CA12: variants seen among roughly 807,000 people sequenced by gnomAD.
CA12 encodes carbonate dehydratase XII.
A neutral mutation model predicts 46.8 loss-of-function variants in CA12; 36 were observed. That is an observed-to-expected ratio of 0.77 (90% confidence interval 0.59 to 1.02). The LOEUF (loss-of-function observed/expected upper bound fraction) is 1.02. Among genes scored for constraint, CA12 ranks in the 50% least tolerant of loss-of-function variants. The pLI is 0.00. For missense variants in CA12, 436 were observed against 451.4 expected (o/e 0.97, Z 0.31); for synonymous variants, 202 against 187.0 (o/e 1.08, Z -0.65).
At chr15:63,326,438 A>T in intron 10 of CA12, 81 bp from the exon 11 acceptor site, 1 of 1,153,134 alleles carries the variant, frequency 8.7e-7, no homozygotes, top group Non-Finnish European at 1.3e-6. Context: ...GTATGGAATG[A>T]GGCCGTTTTT....
rs1442994754 is a variant in CA12, at chr15:63,328,110, C to G, written c.895G>C (p.Gly299Arg). The G allele has an allele frequency of 6.2e-7, 1 of 1,614,098 alleles. No homozygotes were observed. Residue 299 changes from glycine (G) to arginine (R), a missense_variant, in exon 9 of 11, where the codon GGA becomes CGA. Physicochemically the swap from Gly to Arg is moderately radical, Grantham distance 125. Coordinates refer to ENST00000178638, the MANE Select transcript of CA12 (RefSeq NM_001218.5). The surrounding 1 kb of genome is among the most constrained non-coding windows in gnomAD (Gnocchi z 5.9). ...FSQVQVCTAAGLSLGIILSLA... is the reference protein window; with the variant it reads ...FSQVQVCTAARLSLGIILSLA... Reference sequence around the variant, plus strand: ...CCCAGCCACATACCCAGACTCAGTCCTGCCGCAGTACAGACTTGCACTTAA... The same window carrying G: ...CCCAGCCACATACCCAGACTCAGTCGTGCCGCAGTACAGACTTGCACTTAA...
At chr15:63,338,693 G>A (rs947449962) in intron 8 of CA12, 126 bp downstream of exon 8, 15 of 1,275,432 alleles carry the variant, frequency 1.2e-5, no homozygotes, top group Admixed American at 1.7e-5. Flanking sequence ...CCTGGTTCCC[G>A]TGGCAGCCAG....
At chr15:63,363,168 C>A (rs2039388412) in intron 2 of CA12, among the ~76,000 whole-genome samples, 1 of 152,200 alleles carries the variant, frequency 6.6e-6, no homozygotes, top group African/African-American at 2.4e-5. Context: ...TGGTTTCCAA[C>A]CTTTTAGAGC....
At chr15:63,369,874 A>G (rs779662180) in intron 2 of CA12, among the ~76,000 whole-genome samples, 2 of 152,130 alleles carry the variant, frequency 1.3e-5, no homozygotes, top group Non-Finnish European at 2.9e-5. Flanking sequence ...TAGCTTCCCT[A>G]TGTTTTTACT....
intron 4 of CA12, among the ~76,000 whole-genome samples, chr15:63,343,565 G>A (rs1182178124): frequency 3.3e-5 from 5 of 152,040 alleles, no homozygotes; most frequent in Admixed American, 2.6e-4. Context: ...ATAGGTGTGA[G>A]CCAACATGCC....
At chr15:63,360,499 C>G (rs2039347959) in intron 2 of CA12, among the ~76,000 whole-genome samples, 1 of 152,160 alleles carries the variant, frequency 6.6e-6, no homozygotes, top group Non-Finnish European at 1.5e-5. Flanking sequence ...CACAGATATG[C>G]TGAAACATGA....
intron 3 of CA12, among the ~76,000 whole-genome samples, chr15:63,346,129 T>C (rs1415570952): frequency 2.0e-5 from 3 of 152,232 alleles, no homozygotes; most frequent in Non-Finnish European, 4.4e-5. Context: ...TAGATTCTCA[T>C]GGCTCGTAAG....
intron 1 of CA12, among the ~76,000 whole-genome samples, chr15:63,377,010 T>C (rs1226981518): frequency 6.6e-6 from 1 of 152,166 alleles, no homozygotes; most frequent in East Asian, 1.9e-4. Context: ...GTAGTAGGAA[T>C]GTGTAGGCAA....
At chr15:63,356,649 C>T (rs547317136) in intron 2 of CA12, among the ~76,000 whole-genome samples, 4 of 151,890 alleles carry the variant, frequency 2.6e-5, no homozygotes, top group South Asian at 2.1e-4. Flanking sequence ...CAGCCTCTCA[C>T]GTAGCTGGGA....
At position 63,373,884 on chromosome 15, in the gene CA12, A is replaced by G. The variant is rs1210159674; in HGVS notation, c.106+1774T>C. The stretch of plus-strand genomic sequence containing the variant: ...TTTCCATGCCTGTCACCTCCTACAC[A>G]CGGAACCTGCCCAAGGGGCCCTGTG... On this transcript the variant is annotated intron_variant, in intron 2 of 10. Coordinates refer to ENST00000178638, the MANE Select transcript of CA12 (RefSeq NM_001218.5). This position sits in a 1 kb window ranked among gnomAD's most constrained non-coding sequence, Gnocchi z 4.9. Among the ~76,000 whole-genome samples the G allele has an allele frequency of 1.3e-5, 2 of 152,088 alleles. No homozygotes were observed. Among genetic ancestry groups the G allele is most frequent in the African/African-American group, 2.4e-5 (1 of 41,378 alleles).
intron 2 of CA12, among the ~76,000 whole-genome samples, chr15:63,354,143 G>A (rs2039266760): frequency 6.6e-6 from 1 of 152,166 alleles, no homozygotes; most frequent in Admixed American, 6.5e-5. Flanking sequence ...ATTGATGGAT[G>A]AGGTCTTATG....
intron 2 of CA12, among the ~76,000 whole-genome samples, chr15:63,368,857 A>G (rs2039467661): frequency 6.6e-6 from 1 of 151,894 alleles, no homozygotes; most frequent in Non-Finnish European, 1.5e-5. Flanking sequence ...GTCAATCCCA[A>G]ATAGCTCAGC....
At chr15:63,344,652 G>A (rs1043861017) in intron 4 of CA12, among the ~76,000 whole-genome samples, 1 of 152,120 alleles carries the variant, frequency 6.6e-6, no homozygotes, top group Non-Finnish European at 1.5e-5. Flanking sequence ...TGACTGGAGG[G>A]GAATGGTCTC....
chr15:63,359,379 C>T (rs1361401038), intron 2 of CA12, among the ~76,000 whole-genome samples: 1 of 152,074 alleles, frequency 6.6e-6, no homozygotes, highest in African/African-American at 2.4e-5. Flanking sequence ...TCACAACTGA[C>T]TCGTTCCTCT....
chr15:63,349,634 T>C (rs776232194), intron 2 of CA12, among the ~76,000 whole-genome samples: 1 of 152,040 alleles, frequency 6.6e-6, no homozygotes, highest in Non-Finnish European at 1.5e-5. Context: ...GGGTGAAAAA[T>C]AGAGATTTAA....
Position 63,339,692 on chromosome 15 carries a change from C to T in CA12, c.747+596G>A, listed in dbSNP as rs553541103. 2.6e-5 allele frequency among the ~76,000 whole-genome samples: 4 copies of T among 152,364 alleles called. No individual in the cohort carries two copies. The highest frequency in any genetic ancestry group is 4.1e-4 in the South Asian group (2 of 4,832). On this transcript the variant is annotated intron_variant, in intron 7 of 10. Transcript: ENST00000178638. This position sits in a 1 kb window ranked among gnomAD's most constrained non-coding sequence, Gnocchi z 4.3. ...TCTCCTGGGGAGCCATTTTTCTTCT[C>T]ATGAATTTAGGCTGTGGAGGACAGG...
chr15:63,347,985 C>A (rs757452339), intron 2 of CA12, among the ~76,000 whole-genome samples: 3 of 152,196 alleles, frequency 2.0e-5, no homozygotes, highest in Non-Finnish European at 4.4e-5. Context: ...GAATCCCAAC[C>A]CCCTACATCG....
rs12904064 is a variant in CA12, at chr15:63,341,289, C to G, written c.526-506G>C. Among the ~76,000 whole-genome samples the G allele has an allele frequency of 0.045, 6,792 of 152,160 alleles. 194 individuals carry two copies. The highest frequency in any genetic ancestry group is 0.065 in the Middle Eastern group (19 of 294). ...GGTGCCCAGCCCCCAGGCTGTGGAC[C>G]AGTACCGGTCTGTGGCCTGTTAGGA... On this transcript the variant is annotated intron_variant, in intron 5 of 10. Coordinates refer to ENST00000178638, the MANE Select transcript of CA12 (RefSeq NM_001218.5). The surrounding 1 kb of genome is among the most constrained non-coding windows in gnomAD (Gnocchi z 5.2).
chr15:63,326,119 A>G lies in CA12; in HGVS notation c.*166T>C. The G allele has an allele frequency of 4.5e-6, 3 of 663,952 alleles. No homozygotes were observed. Among genetic ancestry groups the G allele is most frequent in the Non-Finnish European group, 8.3e-6 (3 of 362,306 alleles). 41.1% of individuals were successfully genotyped at this position (663,952 alleles called of 1,614,324 possible). On this transcript the variant is annotated 3_prime_UTR_variant, in exon 11 of 11. Transcript: ENST00000178638. ...TCGATCGGATGGCTCTGGGGTGGCC[A>G]TGGTCCCAAGGCAAGGAGGCACCCA...
Sources: gnomAD v4.1 joint callset for allele counts (sites outside exome capture counted in the v4.1 genomes callset) on GRCh38, gnomAD v4.1.1 for gene constraint, Gnocchi (gnomAD v3.1) non-coding constraint, MANE v1.5 for transcripts, NCBI Gene and HGNC (gene_info 2026-07-23, HGNC 2026-07-21) for gene names.